Variants in ADAMTS19 observed in about 807,000 individuals in gnomAD.
ADAMTS19 encodes A disintegrin and metalloproteinase with thrombospondin motifs 19.
In ADAMTS19, 93 loss-of-function variants were observed where a neutral mutation model predicts 153.3. The ratio of observed to expected loss-of-function variants is 0.61; its 90% CI spans 0.51 to 0.72. The LOEUF (loss-of-function observed/expected upper bound fraction) is 0.72. Among genes scored for constraint, ADAMTS19 ranks in the 30% least tolerant of loss-of-function variants. The pLI is 0.00. For synonymous variants in ADAMTS19, 600 were observed against 556.6 expected, an observed-to-expected ratio of 1.08 and a Z score of -1.10; for missense variants, 1,482 against 1,552.1, an observed-to-expected ratio of 0.95 and a Z score of 0.76.
At chr5:129,594,600 T>G (rs569876557) in intron 7 of ADAMTS19, among the ~76,000 whole-genome samples, 11 of 152,260 alleles carry the variant, frequency 7.2e-5, no homozygotes, top group African/African-American at 2.6e-4. Context: ...TCTTCCTGCC[T>G]TCTTCCATTT....
intron 10 of ADAMTS19, among the ~76,000 whole-genome samples, chr5:129,625,866 T>G (rs1752018566): frequency 6.6e-6 from 1 of 152,188 alleles, no homozygotes; most frequent in African/African-American, 2.4e-5. Flanking sequence ...CATTTGTCTA[T>G]TTTGGCTTTT....
At chr5:129,571,567 G>A (rs1289836881) in intron 7 of ADAMTS19, among the ~76,000 whole-genome samples, 1 of 151,512 alleles carries the variant, frequency 6.6e-6, no homozygotes, top group Non-Finnish European at 1.5e-5. Context: ...TTTATGGAGT[G>A]GAAGACAGCA....
intron 2 of ADAMTS19, among the ~76,000 whole-genome samples, chr5:129,487,041 G>C (rs1750621992): frequency 6.6e-6 from 1 of 152,024 alleles, no homozygotes. Flanking sequence ...TACTATTTCA[G>C]CTTTCTACAT....
chr5:129,460,554 A>G (rs557828601), intron 1 of ADAMTS19, 72 bp downstream of exon 1: 1 of 1,563,694 alleles, frequency 6.4e-7, no homozygotes, highest in South Asian at 1.1e-5. Flanking sequence ...ACGGGTCGGC[A>G]GGGCTGGTGC....
rs781486492 is a variant in ADAMTS19, at chr5:129,509,152, C to G, written c.823C>G (p.Pro275Ala). Residue 275 changes from proline to alanine, a missense_variant, in exon 3 of 23, where the codon CCA becomes GCA. By Grantham distance (27) the Pro-to-Ala change is conservative. This residue lies in a region of ADAMTS19 where 866 missense variants were observed against 827.7 expected (regional missense o/e 1.05). Coordinates refer to ENST00000274487, the MANE Select transcript of ADAMTS19 (RefSeq NM_133638.6). ...TGATACAATGGCCATAACAGGTCAC[C>G]CACACCGTGTATATAGGCAGAAAAG... ...LNDTMAITGH[P>A]HRVYRQKRSM... The G allele has an allele frequency of 1.9e-6, 3 of 1,612,088 alleles. No homozygotes were observed. The South Asian group carries it at 3.3e-5, about 18-fold the overall frequency.
In ADAMTS19 at chr5:129,678,108, G is replaced by A. The variant is rs113230228; in HGVS notation, c.2507-1656G>A. 1.1e-4 allele frequency among the ~76,000 whole-genome samples: 16 copies of A among 152,068 alleles called. 4 individuals are homozygous for A. Among genetic ancestry groups the A allele is most frequent in the African/African-American group, 3.6e-4 (15 of 41,492 alleles). ...GATTACAGGTGTGAGCCACCACACCGGCCGTTACATTTTTTTCTTAGGAAA... is the reference window on the plus strand; with the variant it reads ...GATTACAGGTGTGAGCCACCACACCAGCCGTTACATTTTTTTCTTAGGAAA... On this transcript the variant is annotated intron_variant, in intron 16 of 22. Coordinates refer to ENST00000274487, the MANE Select transcript of ADAMTS19 (RefSeq NM_133638.6).
intron 6 of ADAMTS19, among the ~76,000 whole-genome samples, chr5:129,548,754 T>G (rs1752956596): frequency 6.6e-6 from 1 of 151,864 alleles, no homozygotes; most frequent in Non-Finnish European, 1.5e-5. Context: ...CTATTTACAA[T>G]AGCAAAGACT....
At chr5:129,645,078 A>T (rs751716985) in intron 11 of ADAMTS19, among the ~76,000 whole-genome samples, 39 of 152,236 alleles carry the variant, frequency 2.6e-4, no homozygotes, top group Admixed American at 5.2e-4. Flanking sequence ...AACTTCCTAT[A>T]CATGTCCACA....
intron 18 of ADAMTS19, among the ~76,000 whole-genome samples, chr5:129,685,854 C>T (rs1306790048): frequency 6.6e-6 from 1 of 152,106 alleles, no homozygotes; most frequent in African/African-American, 2.4e-5. Context: ...GAAGTGTTAT[C>T]CAAATGGGAT....
At chr5:129,638,080 T>C (rs775657385) in intron 10 of ADAMTS19, among the ~76,000 whole-genome samples, 2 of 152,140 alleles carry the variant, frequency 1.3e-5, no homozygotes, top group Non-Finnish European at 2.9e-5. Context: ...CATGTTTACC[T>C]GTGTCACAAA....
rs182148499 is a variant in ADAMTS19 at position 129,583,729 on chromosome 5, C to T, written c.1373-12830C>T. 3.8e-4 allele frequency among the ~76,000 whole-genome samples: 57 copies of T among 151,786 alleles called. No individual in the cohort carries two copies. In the East Asian group the frequency reaches 0.01, roughly 27 times the overall value. ...GCTATTGATACTTGTGTATGCTTCA[C>T]GAAGTTCTTGTGCTGTGTTTTTCAG... On this transcript the variant is annotated intron_variant, in intron 7 of 22. Coordinates refer to ENST00000274487, the MANE Select transcript of ADAMTS19 (RefSeq NM_133638.6).
At chr5:129,689,539 C>T (rs1364689130) in intron 18 of ADAMTS19, among the ~76,000 whole-genome samples, 1 of 152,130 alleles carries the variant, frequency 6.6e-6, no homozygotes, top group African/African-American at 2.4e-5. Flanking sequence ...ATTCTCCTGC[C>T]TCAGCCTCCC....
rs565977009 is a variant in ADAMTS19 at position 129,510,390 on chromosome 5, G to T, written c.913+1148G>T. Among the ~76,000 whole-genome samples the T allele has an allele frequency of 2.0e-5, 3 of 151,834 alleles. No homozygotes were observed. The South Asian group carries it at 6.2e-4, about 32-fold the overall frequency. On this transcript the variant is annotated intron_variant, in intron 3 of 22. Coordinates refer to ENST00000274487, the MANE Select transcript of ADAMTS19 (RefSeq NM_133638.6). ...TCTTTTGTAAAAAGTCATGATGTCA[G>T]TCTGTACAAGAATCATCATCAAAAG...
chr5:129,529,436 G>GA (rs1307406550), intron 6 of ADAMTS19, among the ~76,000 whole-genome samples: 1 of 152,128 alleles, frequency 6.6e-6, no homozygotes, highest in Non-Finnish European at 1.5e-5. Flanking sequence ...TCATAAGGTT[G>GA]AAAAATCTCT....
intron 19 of ADAMTS19, among the ~76,000 whole-genome samples, chr5:129,698,834 G>GA (rs1413479379): frequency 6.6e-6 from 1 of 152,186 alleles, no homozygotes; most frequent in Non-Finnish European, 1.5e-5. Flanking sequence ...ACTAAATTTG[G>GA]AAGATGTGCA....
intron 19 of ADAMTS19, among the ~76,000 whole-genome samples, chr5:129,697,065 T>C (rs1755591281): frequency 4.6e-5 from 7 of 152,258 alleles, no homozygotes; most frequent in Admixed American, 2.0e-4. Flanking sequence ...GTATGTCAAA[T>C]TATGGGGTAA....
Position 129,622,315 on chromosome 5 carries a change from T to G in ADAMTS19, c.1737T>G (p.Phe579Leu), listed in dbSNP as rs748940250. The G allele has an allele frequency of 9.9e-6, 16 of 1,613,964 alleles. No individual in the cohort carries two copies. The highest frequency in any genetic ancestry group is 1.4e-5 in the Non-Finnish European group (16 of 1,179,982). Reference sequence around the variant, plus strand: ...CTGATGAACAATGCCAGATCCTTTTTGGGCCATTGGCTTCTTTTTGTCAGG... The same window carrying G: ...CTGATGAACAATGCCAGATCCTTTTGGGGCCATTGGCTTCTTTTTGTCAGG... The part of the protein sequence containing the change: ...YTADEQCQIL[F>L]GPLASFCQEM... The change falls in exon 10 of 23, where the codon TTT (phenylalanine) becomes TTG (leucine). Residue 579 changes from phenylalanine to leucine, a missense_variant. Around this residue, in one of 2 missense-constraint regions of ADAMTS19, gnomAD observed 866 missense variants for 827.7 expected, o/e 1.05. Transcript: ENST00000274487.
intron 21 of ADAMTS19, among the ~76,000 whole-genome samples, chr5:129,709,198 G>A (rs2127176561): frequency 6.6e-6 from 1 of 152,118 alleles, no homozygotes; most frequent in Admixed American, 6.5e-5. Flanking sequence ...TTAGATTTAT[G>A]TTAATGGGAA....
chr5:129,501,218 A>C (rs1751094273), intron 2 of ADAMTS19, among the ~76,000 whole-genome samples: 1 of 152,132 alleles, frequency 6.6e-6, no homozygotes, highest in African/African-American at 2.4e-5. Context: ...AAGAAAGGAA[A>C]AGGAAAAACA....
Sources: gnomAD v4.1 joint callset for allele counts (sites outside exome capture counted in the v4.1 genomes callset) on GRCh38, gnomAD v4.1.1 for gene constraint, gnomAD v4.1.1 regional missense constraint, MANE v1.5 for transcripts, NCBI Gene and HGNC (gene_info 2026-07-23, HGNC 2026-07-21) for gene names.